TNPO1: variants seen among roughly 807,000 people sequenced by gnomAD.
TNPO1 encodes transportin-1.
Under a neutral mutation model 119.5 loss-of-function variants are expected in TNPO1, and 8 were observed. That is an observed-to-expected ratio of 0.07 (90% CI 0.04 to 0.12). TNPO1 has a LOEUF of 0.12. TNPO1 is among the 10% of genes least tolerant of loss of function. The probability of loss-of-function intolerance (pLI) is 1.00; values close to 1 mark genes in which losing one functional copy is unlikely to be tolerated. For missense variants in TNPO1, 576 were observed against 1,089.8 expected, an observed-to-expected ratio of 0.53 and a Z score of 6.64; for synonymous variants, 362 against 363.0, an observed-to-expected ratio of 1.00 and a Z score of 0.03.
intron 3 of TNPO1, 71 bp downstream of exon 3, chr5:72,851,390 C>T: frequency 1.1e-6 from 1 of 919,412 alleles, no homozygotes. Flanking sequence ...GAGAATTATT[C>T]ATTTCAAAGG....
intron 9 of TNPO1, among the ~76,000 whole-genome samples, chr5:72,881,788 T>A (rs1159057420): frequency 1.3e-5 from 2 of 152,196 alleles, no homozygotes; most frequent in African/African-American, 4.8e-5. Flanking sequence ...ATTTTCTCCT[T>A]AAGGTCTGTA....
rs567685000 is a variant in TNPO1, at chr5:72,878,452, CA to C, written c.920+1119del. On this transcript the variant is annotated intron_variant, in intron 9 of 24. Coordinates refer to ENST00000337273, the MANE Select transcript of TNPO1 (RefSeq NM_002270.4). ...CTCAAATCTTAGCCATCTGGATAAG[CA>C]AAAAAAAAAAAAGTTTTTAATATGT... 2.9e-3 allele frequency: 374 copies of C among 128,212 alleles called. 1 individual carries two copies. The Middle Eastern group carries it at 0.051, about 18-fold the overall frequency. The allele number at this position is 128,212 out of a possible 1,614,324, so 7.9% of individuals were successfully genotyped here. A position where few individuals can be genotyped will look rare whatever the true frequency, so the allele number is the denominator to read the frequency against.
rs1036050646 is a variant in TNPO1, at chr5:72,911,673, C to G, written c.*3000C>G. ...CTTTGTTACATTCCAGTGTTTCTGC[C>G]TCTTGGCATGCTTAAAGCACGGCTT... is the stretch of plus-strand genomic sequence containing the variant. On this transcript the variant is annotated 3_prime_UTR_variant, in exon 25 of 25. Transcript: ENST00000337273. The G allele has an allele frequency of 6.6e-6, 1 of 152,408 alleles. No individual in the cohort carries two copies. The highest frequency in any genetic ancestry group is 6.6e-5 in the Admixed American group (1 of 15,264). 9.4% of individuals were successfully genotyped at this position (152,408 alleles called of 1,614,324 possible).
chr5:72,872,796 G>A (rs1765523263), intron 7 of TNPO1, 76 bp downstream of exon 7: 1 of 770,258 alleles, frequency 1.3e-6, no homozygotes, highest in Non-Finnish European at 2.1e-6. Flanking sequence ...CTAACTGCAT[G>A]TAGTTTTGCT....
chr5:72,897,899 A>G (rs1295317965), intron 20 of TNPO1, among the ~76,000 whole-genome samples: 2 of 152,136 alleles, frequency 1.3e-5, no homozygotes, highest in Non-Finnish European at 2.9e-5. Flanking sequence ...AAAGATTAAA[A>G]TAAGGTTTTC....
chr5:72,863,816 A>G (rs755808867), intron 5 of TNPO1, among the ~76,000 whole-genome samples: 2 of 152,140 alleles, frequency 1.3e-5, no homozygotes, highest in Non-Finnish European at 2.9e-5. Flanking sequence ...ATAAGTCATC[A>G]TGTGACAGTT....
At chr5:72,891,321 C>T (rs780389483) in intron 14 of TNPO1, among the ~76,000 whole-genome samples, 6 of 151,800 alleles carry the variant, frequency 4.0e-5, no homozygotes, top group Admixed American at 6.6e-5. Context: ...AAAAATTAGC[C>T]GGGTGTGGTG....
chr5:72,848,135 G>T (rs1234594242), intron 1 of TNPO1: 2 of 1,199,768 alleles, frequency 1.7e-6, no homozygotes, highest in African/African-American at 1.6e-5. Context: ...CAGTCTGGTC[G>T]GCTCCTTGCG....
chr5:72,833,206 A>G (rs537130283), intron 1 of TNPO1, among the ~76,000 whole-genome samples: 109 of 152,316 alleles, frequency 7.2e-4, no homozygotes, highest in South Asian at 6.2e-4. Context: ...TATTAGATAA[A>G]AATTCAAATA....
At chr5:72,835,193 C>A (rs948261394) in intron 1 of TNPO1, among the ~76,000 whole-genome samples, 3 of 152,162 alleles carry the variant, frequency 2.0e-5, no homozygotes, top group Admixed American at 6.5e-5. Context: ...AGTTTTTGCC[C>A]GTATACAATT....
chr5:72,880,719 G>A (rs182128226), intron 9 of TNPO1, among the ~76,000 whole-genome samples: 132 of 151,260 alleles, frequency 8.7e-4, no homozygotes, highest in Non-Finnish European at 1.5e-3. Context: ...GGGTGGCTGA[G>A]GCAGGAGAAT....
At chr5:72,884,987 A>G (rs1020835651) in intron 11 of TNPO1, among the ~76,000 whole-genome samples, 15 of 152,220 alleles carry the variant, frequency 9.9e-5, no homozygotes, top group African/African-American at 3.4e-4. Context: ...TAAAGCAGTT[A>G]AGAACAGACA....
At chr5:72,907,674 A>G (rs1341693490) in intron 24 of TNPO1, among the ~76,000 whole-genome samples, 1 of 152,212 alleles carries the variant, frequency 6.6e-6, no homozygotes, top group Non-Finnish European at 1.5e-5. Context: ...CCTACCAGAA[A>G]AACCAAGTGA....
chr5:72,903,664 G>T, intron 22 of TNPO1, 45 bp from the exon 23 acceptor site: 2 of 1,350,620 alleles, frequency 1.5e-6, no homozygotes, highest in South Asian at 2.6e-5. Context: ...TGCTGAGTTT[G>T]ACAAATACAA....
intron 1 of TNPO1, among the ~76,000 whole-genome samples, chr5:72,818,834 C>T (rs1743816770): frequency 6.6e-6 from 1 of 152,152 alleles, no homozygotes; most frequent in East Asian, 1.9e-4. Context: ...GCGAACAATG[C>T]CATCCTCAAA....
At chr5:72,884,147 G>C (rs933164491) in intron 11 of TNPO1, among the ~76,000 whole-genome samples, 2 of 152,166 alleles carry the variant, frequency 1.3e-5, no homozygotes, top group African/African-American at 4.8e-5. Context: ...TAACCAGGAT[G>C]TTTTCCAAAG....
In TNPO1 at chr5:72,877,303, G is replaced by C; in HGVS notation, c.877G>C (p.Glu293Gln). The change falls in exon 9 of 25, where the codon GAA (glutamate) becomes CAA (glutamine). Residue 293 changes from glutamate to glutamine, a missense_variant. Physicochemically the swap from Glu to Gln is conservative, Grantham distance 29. This residue lies in a region of TNPO1 where 310 missense variants were observed against 583.0 expected (regional missense o/e 0.53). Coordinates refer to ENST00000337273, the MANE Select transcript of TNPO1 (RefSeq NM_002270.4). ...CTGTGAATTTTGGCTAACTTTAGCTGAACAGCCAATATGCAAAGATGTACT... is the reference window on the plus strand; with the variant it reads ...CTGTGAATTTTGGCTAACTTTAGCTCAACAGCCAATATGCAAAGATGTACT... The part of the protein sequence containing the change: ...EACEFWLTLA[E>Q]QPICKDVLVR... The C allele has an allele frequency of 6.2e-7, 1 of 1,612,650 alleles. No homozygotes were observed. Among genetic ancestry groups the C allele is most frequent in the South Asian group, 1.1e-5 (1 of 90,932 alleles).
At chr5:72,856,610 G>T (rs371230178) in intron 4 of TNPO1, among the ~76,000 whole-genome samples, 4 of 152,078 alleles carry the variant, frequency 2.6e-5, no homozygotes, top group South Asian at 2.1e-4. Flanking sequence ...CTTTTTAATT[G>T]CTTATGAAAA....
intron 2 of TNPO1, among the ~76,000 whole-genome samples, chr5:72,848,806 C>T (rs1359243824): frequency 6.7e-6 from 1 of 149,084 alleles, no homozygotes; most frequent in African/African-American, 2.4e-5. Context: ...GTGCGCGGGC[C>T]GGGCCGCCAC....
Sources: gnomAD v4.1 joint callset for allele counts (sites outside exome capture counted in the v4.1 genomes callset) on GRCh38, gnomAD v4.1.1 for gene constraint, gnomAD v4.1.1 regional missense constraint, MANE v1.5 for transcripts, NCBI Gene and HGNC (gene_info 2026-07-23, HGNC 2026-07-21) for gene names.